The following TCF4 variants were observed in gnomAD, a reference collection of about 807,000 sequenced individuals.
TCF4 encodes transcription factor 4, also known as SL3-3 enhancer factor 2.
TCF4 carries 3 observed loss-of-function variants against 82.1 expected under a neutral mutation model. That is an observed-to-expected ratio of 0.04 (90% CI 0.02 to 0.09). The LOEUF is 0.09. Among genes scored for constraint, TCF4 ranks in the 10% least tolerant of loss-of-function variants. The pLI, the probability that TCF4 is intolerant of heterozygous loss-of-function variation, is 1.00. For missense variants in TCF4, 518 were observed against 852.7 expected (o/e 0.61, Z 4.89); for synonymous variants, 276 against 309.6 (o/e 0.89, Z 1.14).
chr18:55,366,414 A>G, intron 6 of TCF4, among the ~76,000 whole-genome samples: 1 of 152,250 alleles, frequency 6.6e-6, no homozygotes, highest in East Asian at 1.9e-4. Flanking sequence ...ACTTCACTGG[A>G]GAGTTACACA....
chr18:55,385,546 C>T (rs1332516086), intron 6 of TCF4, among the ~76,000 whole-genome samples: 2 of 152,124 alleles, frequency 1.3e-5, no homozygotes, highest in East Asian at 1.9e-4. Context: ...GGATTATAGG[C>T]GTGAGCCACC....
intron 8 of TCF4, among the ~76,000 whole-genome samples, chr18:55,345,295 C>CA (rs11332509): frequency 0.031 from 4,279 of 138,954 alleles, 135 homozygotes; most frequent in African/African-American, 0.093. Context: ...TTGGTTTTCA[C>CA]AAAAAAAAAA....
At chr18:55,250,252 A>G (rs555233568) in intron 15 of TCF4, among the ~76,000 whole-genome samples, 156 of 152,324 alleles carry the variant, frequency 1.0e-3, no homozygotes, top group Admixed American at 1.5e-3. Flanking sequence ...ATGTTGGTTT[A>G]AGAATAAGTG....
At chr18:55,624,096 T>C (rs1489370418) in intron 2 of TCF4, among the ~76,000 whole-genome samples, 1 of 152,168 alleles carries the variant, frequency 6.6e-6, no homozygotes, top group Non-Finnish European at 1.5e-5. Context: ...TAGACATTAA[T>C]TTTGTGAAGT....
At chr18:55,621,437 A>T (rs1249083128) in intron 2 of TCF4, among the ~76,000 whole-genome samples, 3 of 118,422 alleles carry the variant, frequency 2.5e-5, no homozygotes, top group South Asian at 2.3e-4. Flanking sequence ...AATATATAAA[A>T]ATATATATAT....
intron 3 of TCF4, among the ~76,000 whole-genome samples, chr18:55,486,493 G>A (rs2096517181): frequency 6.6e-6 from 1 of 152,196 alleles, no homozygotes; most frequent in Non-Finnish European, 1.5e-5. Flanking sequence ...TCAGGAGGCT[G>A]AGGCAGGAAA....
chr18:55,453,257 A>G (rs971874069), intron 5 of TCF4, among the ~76,000 whole-genome samples: 4 of 152,138 alleles, frequency 2.6e-5, no homozygotes, highest in African/African-American at 9.7e-5. Flanking sequence ...TCTTTAGACA[A>G]TGAGGGGAAG....
intron 6 of TCF4, among the ~76,000 whole-genome samples, chr18:55,377,072 C>G (rs1210014119): frequency 6.6e-6 from 1 of 152,204 alleles, no homozygotes; most frequent in Admixed American, 6.5e-5. Flanking sequence ...TGCCTACCTA[C>G]CAGTTCTTCC....
intron 3 of TCF4, among the ~76,000 whole-genome samples, chr18:55,519,263 T>C (rs1435206503): frequency 2.0e-5 from 3 of 151,866 alleles, no homozygotes; most frequent in African/African-American, 7.3e-5. Flanking sequence ...TGAAACCATG[T>C]CTCTACAAAA....
Position 55,279,652 on chromosome 18 carries a change from T to C in TCF4, c.554A>G (p.Tyr185Cys), listed in dbSNP as rs1416409753. 1.9e-6 allele frequency: 3 copies of C among 1,613,926 alleles called. No individual in the cohort carries two copies. The highest frequency in any genetic ancestry group is 1.1e-5 in the South Asian group (1 of 91,076). Residue 185 changes from tyrosine to cysteine, a missense_variant, in exon 9 of 20, where the codon TAT (tyrosine) becomes TGT (cysteine). Tyr to Cys is a radical substitution (Grantham distance 194). Coordinates refer to ENST00000354452, the MANE Select transcript of TCF4 (RefSeq NM_001083962.2). ...GTCGGCAGTGCTTGCTGATGGAGCATAGACCTGAGGAGAAAGAACCAACTG... is the reference window on the plus strand; with the variant it reads ...GTCGGCAGTGCTTGCTGATGGAGCACAGACCTGAGGAGAAAGAACCAACTG... ...KVPPGLPSSV[Y>C]APSASTADYN... is the part of the protein sequence containing the mutation.
At chr18:55,602,598 A>AT (rs1313890794) in intron 2 of TCF4, among the ~76,000 whole-genome samples, 1 of 152,190 alleles carries the variant, frequency 6.6e-6, no homozygotes, top group African/African-American at 2.4e-5. Context: ...TGACTTTTCG[A>AT]TTATCAGCAG....
At chr18:55,634,285 A>G (rs1431691531) in intron 1 of TCF4, among the ~76,000 whole-genome samples, 1 of 151,996 alleles carries the variant, frequency 6.6e-6, no homozygotes, top group Non-Finnish European at 1.5e-5. Flanking sequence ...AAACAAAAAC[A>G]AAAACAAAAA....
intron 3 of TCF4, among the ~76,000 whole-genome samples, chr18:55,528,206 T>C (rs1003183537): frequency 6.6e-6 from 1 of 152,180 alleles, no homozygotes; most frequent in African/African-American, 2.4e-5. Context: ...TGCACGATAT[T>C]CTCTGGACAC....
chr18:55,620,927 T>A (rs1310707095), intron 2 of TCF4, among the ~76,000 whole-genome samples: 1 of 152,110 alleles, frequency 6.6e-6, no homozygotes, highest in African/African-American at 2.4e-5. Context: ...TGATTTTCCT[T>A]AGAAAATTAT....
At chr18:55,393,003 C>T (rs942444213) in intron 6 of TCF4, among the ~76,000 whole-genome samples, 2 of 152,130 alleles carry the variant, frequency 1.3e-5, no homozygotes, top group African/African-American at 4.8e-5. Context: ...AAATATTTTA[C>T]TCTTATTCCT....
At chr18:55,395,044 T>G (rs1254611747) in intron 6 of TCF4, among the ~76,000 whole-genome samples, 1 of 152,216 alleles carries the variant, frequency 6.6e-6, no homozygotes, top group East Asian at 1.9e-4. Context: ...AATTTGGGGG[T>G]TCAGTTTTAA....
chr18:55,410,947 C>T (rs919306972), intron 5 of TCF4, among the ~76,000 whole-genome samples: 1 of 152,102 alleles, frequency 6.6e-6, no homozygotes, highest in Non-Finnish European at 1.5e-5. Context: ...ACAACAACAA[C>T]CAAAATCAGC....
At chr18:55,525,348 A>C (rs1416447060) in intron 3 of TCF4, among the ~76,000 whole-genome samples, 1 of 151,974 alleles carries the variant, frequency 6.6e-6, no homozygotes, top group Non-Finnish European at 1.5e-5. Flanking sequence ...ATACTCTTCT[A>C]CCCATAATGA....
intron 3 of TCF4, chr18:55,550,323 C>G (rs2097249825): frequency 1.3e-5 from 2 of 152,128 alleles, no homozygotes; most frequent in Admixed American, 1.3e-4. Flanking sequence ...TTCTGGACTC[C>G]TCAAAGTCAG....
Sources: gnomAD v4.1 joint callset for allele counts (sites outside exome capture counted in the v4.1 genomes callset) on GRCh38, gnomAD v4.1.1 for gene constraint, MANE v1.5 for transcripts, NCBI Gene and HGNC (gene_info 2026-07-23, HGNC 2026-07-21) for gene names.